PALLD: variants seen among roughly 807,000 people sequenced by gnomAD.
The protein encoded by PALLD is palladin.
A neutral mutation model predicts 123.5 loss-of-function variants in PALLD; 61 were observed. The observed-to-expected ratio is 0.49, with a 90% CI of 0.40 to 0.61. PALLD has a LOEUF of 0.61. Among genes scored for constraint, PALLD ranks in the 20% least tolerant of loss-of-function variants. PALLD has a pLI of 0.00. For missense variants in PALLD, 1,273 were observed against 1,377.0 expected (o/e 0.92, Z 1.20); for synonymous variants, 465 against 496.4 (o/e 0.94, Z 0.84).
rs11406885 is a variant in PALLD at position 168,607,765 on chromosome 4, GA to G, written c.909-60414del. ...GCTAATTATTTGTGAGTGTTTTCTGGAAAAAAAAAAATTGGCTGCAAGGAAA... is the reference window on the plus strand; with the variant it reads ...GCTAATTATTTGTGAGTGTTTTCTGGAAAAAAAAAATTGGCTGCAAGGAAA... On this transcript the variant is annotated intron_variant, in intron 2 of 21. Transcript: ENST00000505667. Among the ~76,000 whole-genome samples the G allele has an allele frequency of 6.2e-3, 912 of 147,126 alleles. 11 individuals carry two copies. Among genetic ancestry groups the G allele is most frequent in the African/African-American group, 0.02 (785 of 40,068 alleles).
intron 2 of PALLD, among the ~76,000 whole-genome samples, chr4:168,575,056 C>A (rs1274495509): frequency 6.6e-6 from 1 of 152,074 alleles, no homozygotes; most frequent in African/African-American, 2.4e-5. Flanking sequence ...TCTTAATCAC[C>A]ATGACTGCAA....
intron 2 of PALLD, among the ~76,000 whole-genome samples, chr4:168,534,458 A>G (rs1764905888): frequency 6.6e-6 from 1 of 152,260 alleles, no homozygotes; most frequent in Admixed American, 6.5e-5. Flanking sequence ...TATTTCCCAC[A>G]GAAGAAAGTG....
intron 2 of PALLD, among the ~76,000 whole-genome samples, chr4:168,566,048 A>C (rs1460171451): frequency 6.6e-6 from 1 of 152,184 alleles, no homozygotes; most frequent in Non-Finnish European, 1.5e-5. Context: ...TAATAGTGCA[A>C]AACAGGTCAG....
rs1405712192 is a variant in PALLD at position 168,709,041 on chromosome 4, C to G, written c.1515C>G (p.Thr505=). ...CTTCACTTCCAGAGGAGATTTGCAC[C>G]CTAGTTATCGCTGAGACTTTCCCTG... ...RSTAEPEEIC[T]LVIAETFPED... is the part of the protein sequence containing the mutation. The change falls in exon 9 of 22, where the codon ACC becomes ACG. Residue 505 remains threonine, a synonymous_variant. Coordinates refer to ENST00000505667, the MANE Select transcript of PALLD (RefSeq NM_001166108.2). 1.2e-6 allele frequency: 2 copies of G among 1,613,298 alleles called. No individual in the cohort carries two copies. Among genetic ancestry groups the G allele is most frequent in the East Asian group, 4.5e-5 (2 of 44,850 alleles).
At chr4:168,757,943 T>C (rs1732126905) in intron 10 of PALLD, among the ~76,000 whole-genome samples, 2 of 152,174 alleles carry the variant, frequency 1.3e-5, no homozygotes, top group Admixed American at 1.3e-4. Context: ...TGGTGGCGCA[T>C]GCCTGTGATC....
At chr4:168,570,953 T>C (rs1015883070) in intron 2 of PALLD, among the ~76,000 whole-genome samples, 1 of 152,216 alleles carries the variant, frequency 6.6e-6, no homozygotes, top group Non-Finnish European at 1.5e-5. Context: ...AATATAAATC[T>C]ATGCCTTGTG....
intron 2 of PALLD, among the ~76,000 whole-genome samples, chr4:168,611,552 T>C (rs1232682983): frequency 6.6e-6 from 1 of 152,240 alleles, no homozygotes; most frequent in East Asian, 1.9e-4. Flanking sequence ...ATTTGACATA[T>C]GTATCTGAAG....
chr4:168,581,112 C>T (rs964500090), intron 2 of PALLD, among the ~76,000 whole-genome samples: 2 of 151,822 alleles, frequency 1.3e-5, no homozygotes, highest in Non-Finnish European at 2.9e-5. Context: ...TGAACATGTA[C>T]CCCTGCACCT....
chr4:168,655,637 T>C (rs1412616507), intron 2 of PALLD, among the ~76,000 whole-genome samples: 2 of 152,252 alleles, frequency 1.3e-5, no homozygotes, highest in Non-Finnish European at 2.9e-5. Context: ...TCTAAAGTTT[T>C]AGCTTTTTCC....
At chr4:168,878,288 T>C (rs1406965998) in intron 10 of PALLD, 2 of 1,527,008 alleles carry the variant, frequency 1.3e-6, no homozygotes, top group Non-Finnish European at 1.7e-6. Flanking sequence ...TGCCACCCGC[T>C]TCGGCCACAG....
Position 168,658,010 on chromosome 4 carries a change from C to T in PALLD, c.909-10180C>T, listed in dbSNP as rs558484053. ...CTTTATCTTTCTTTCGCCTATTAAACCTTTGCTTCTAAACCCACTCCTTGT... is the reference window on the plus strand; with the variant it reads ...CTTTATCTTTCTTTCGCCTATTAAATCTTTGCTTCTAAACCCACTCCTTGT... On this transcript the variant is annotated intron_variant, in intron 2 of 21. Transcript: ENST00000505667. 4.6e-5 allele frequency among the ~76,000 whole-genome samples: 7 copies of T among 152,276 alleles called. No individual in the cohort carries two copies. The East Asian group carries it at 1.2e-3, about 25-fold the overall frequency.
In PALLD at chr4:168,670,788, A is replaced by C. The variant is rs13129504; in HGVS notation, c.1087+2420A>C. On this transcript the variant is annotated intron_variant, in intron 3 of 21. Coordinates refer to ENST00000505667, the MANE Select transcript of PALLD (RefSeq NM_001166108.2). ...AACAAAAAAAAACAAAAAAAAAAAA[A>C]CAAAAAAAACAAAAAAGCTGGGTGC... Among the ~76,000 whole-genome samples the C allele has an allele frequency of 2.1e-3, 311 of 145,602 alleles. 3 individuals carry two copies. The highest frequency in any genetic ancestry group is 7.0e-3 in the African/African-American group (275 of 39,046).
chr4:168,896,523 T>C, intron 12 of PALLD, 26 bp from the exon 13 acceptor site: 1 of 1,336,862 alleles, frequency 7.5e-7, no homozygotes. Flanking sequence ...TTATTAGTCT[T>C]CACATCTTTT....
chr4:168,640,251 C>G (rs1360153375), intron 2 of PALLD, among the ~76,000 whole-genome samples: 1 of 152,202 alleles, frequency 6.6e-6, no homozygotes, highest in East Asian at 1.9e-4. Context: ...GCATCCAGAA[C>G]TTTTCCGATT....
chr4:168,755,107 C>T (rs1026220492), intron 10 of PALLD, among the ~76,000 whole-genome samples: 1 of 151,926 alleles, frequency 6.6e-6, no homozygotes, highest in Non-Finnish European at 1.5e-5. Flanking sequence ...GTGGCGGGCG[C>T]CTGTAGTCTC....
At chr4:168,919,036 A>C (rs1015057140) in intron 17 of PALLD, among the ~76,000 whole-genome samples, 3 of 152,212 alleles carry the variant, frequency 2.0e-5, no homozygotes, top group Non-Finnish European at 4.4e-5. Context: ...GAGAGTGACT[A>C]AATGATGGGT....
chr4:168,708,956 G>A, intron 8 of PALLD, 72 bp from the exon 9 acceptor site: 2 of 1,332,596 alleles, frequency 1.5e-6, no homozygotes, highest in Non-Finnish European at 2.2e-6. Context: ...GTGGAAAGGT[G>A]GAGGGTCTCA....
chr4:168,780,150 T>C (rs572376832), intron 10 of PALLD, among the ~76,000 whole-genome samples: 1 of 152,152 alleles, frequency 6.6e-6, no homozygotes, highest in African/African-American at 2.4e-5. Flanking sequence ...TCGCCCACCT[T>C]GGCCTCCCAA....
chr4:168,772,606 T>C (rs1413209275), intron 10 of PALLD, among the ~76,000 whole-genome samples: 3 of 152,232 alleles, frequency 2.0e-5, no homozygotes, highest in Non-Finnish European at 4.4e-5. Flanking sequence ...CTGTGAATGA[T>C]AGAGGTACAC....
Sources: allele counts gnomAD v4.1 joint callset (sites outside exome capture counted in the v4.1 genomes callset), GRCh38; gene constraint gnomAD v4.1.1; transcripts MANE v1.5; gene names NCBI Gene and HGNC (gene_info 2026-07-23, HGNC 2026-07-21).